RYK: variants seen among roughly 807,000 people sequenced by gnomAD.
RYK encodes the protein inactive tyrosine-protein kinase RYK.
A neutral mutation model predicts 70.2 loss-of-function variants in RYK; 21 were observed. The ratio of observed to expected loss-of-function variants is 0.30; its 90% CI spans 0.21 to 0.43. The LOEUF (loss-of-function observed/expected upper bound fraction) is 0.43. RYK is among the 20% of genes least tolerant of loss of function. The pLI is 1.00. For synonymous variants in RYK, 267 were observed against 278.0 expected (o/e 0.96, Z 0.39); for missense variants, 604 against 753.3 (o/e 0.80, Z 2.32).
chr3:134,242,842 C>T (rs1216991479), intron 1 of RYK, among the ~76,000 whole-genome samples: 2 of 152,204 alleles, frequency 1.3e-5, no homozygotes, highest in African/African-American at 4.8e-5. Flanking sequence ...AGTTCTCTCA[C>T]ATGTGTAGCA....
At chr3:134,204,591 C>CCACAGACACACACA (rs58130864) in intron 5 of RYK, among the ~76,000 whole-genome samples, 4 of 140,694 alleles carry the variant, frequency 2.8e-5, no homozygotes, top group African/African-American at 5.3e-5. Context: ...ACAGCCACAG[C>CCACAGACACACACA]CACACACACA....
At chr3:134,195,689 G>A (rs1035254012) in intron 6 of RYK, among the ~76,000 whole-genome samples, 1 of 152,236 alleles carries the variant, frequency 6.6e-6, no homozygotes. Flanking sequence ...GCTCACGCCT[G>A]TAATCCCAAC....
intron 13 of RYK, among the ~76,000 whole-genome samples, chr3:134,160,643 T>A (rs1455453501): frequency 6.6e-6 from 1 of 152,010 alleles, no homozygotes; most frequent in African/African-American, 2.4e-5. Flanking sequence ...TTATCTGAGG[T>A]CAGGAGTTCA....
At chr3:134,203,000 G>T in intron 5 of RYK, 126 bp from the exon 6 acceptor site, 1 of 704,908 alleles carries the variant, frequency 1.4e-6, no homozygotes, top group Non-Finnish European at 2.3e-6. Context: ...GTTACCAGTA[G>T]CATATTGGTG....
chr3:134,169,554 T>C (rs941937599), intron 13 of RYK, among the ~76,000 whole-genome samples: 1 of 152,198 alleles, frequency 6.6e-6, no homozygotes, highest in East Asian at 1.9e-4. Flanking sequence ...TGCATAGTTC[T>C]TAAGCTCAAC....
chr3:134,213,893 T>A (rs955102751), intron 2 of RYK, among the ~76,000 whole-genome samples: 24 of 152,110 alleles, frequency 1.6e-4, no homozygotes, highest in African/African-American at 5.8e-4. Context: ...AACCTCCACC[T>A]CCTGGGTTCA....
At chr3:134,205,288 T>C (rs1401675129) in intron 5 of RYK, among the ~76,000 whole-genome samples, 1 of 152,178 alleles carries the variant, frequency 6.6e-6, no homozygotes, top group African/African-American at 2.4e-5. Context: ...AGATAAAACT[T>C]ACAGCTTTCA....
At chr3:134,204,591 C>CACACA (rs2014143765) in intron 5 of RYK, among the ~76,000 whole-genome samples, 1 of 140,780 alleles carries the variant, frequency 7.1e-6, no homozygotes, top group African/African-American at 2.7e-5. Context: ...ACAGCCACAG[C>CACACA]CACACACACA....
intron 1 of RYK, among the ~76,000 whole-genome samples, chr3:134,238,217 A>G (rs918238254): frequency 2.0e-5 from 3 of 152,344 alleles, no homozygotes; most frequent in African/African-American, 7.2e-5. Flanking sequence ...TTGAATAAGC[A>G]TGTAAATCTT....
At chr3:134,224,925 A>C (rs2014857353) in intron 1 of RYK, among the ~76,000 whole-genome samples, 1 of 152,272 alleles carries the variant, frequency 6.6e-6, no homozygotes, top group Non-Finnish European at 1.5e-5. Context: ...ATATTCATAT[A>C]TAATCATATC....
chr3:134,188,814 A>C lies in RYK; in HGVS notation c.1102+23T>G, dbSNP rs749762940. ...CCTGAGACAGAAGAGCATCATGGAA[A>C]TACTATGGAAAAAAGATCCTACCTT... On this transcript the variant is annotated intron_variant, in intron 9 of 14. Coordinates refer to ENST00000623711, the MANE Select transcript of RYK (RefSeq NM_002958.4). 106 of 1,419,350 alleles carry C rather than the reference A, an allele frequency of 7.5e-5. 3 individuals carry two copies. In the South Asian group the frequency reaches 1.2e-3, roughly 17 times the overall value. 87.9% of individuals were successfully genotyped at this position (1,419,350 alleles called of 1,614,324 possible).
At position 134,218,800 on chromosome 3, in the gene RYK, C is replaced by G. The variant is rs575241323; in HGVS notation, c.354+3618G>C. Reference sequence around the variant, plus strand: ...GGAAAGGAGACCAGTTAGAAGACCACTTCCGAATCCAGCAAGAAACAATGA... The same window carrying G: ...GGAAAGGAGACCAGTTAGAAGACCAGTTCCGAATCCAGCAAGAAACAATGA... On this transcript the variant is annotated intron_variant, in intron 2 of 14. Transcript: ENST00000623711. Among the ~76,000 whole-genome samples, 4 of 152,310 alleles carry G rather than the reference C, an allele frequency of 2.6e-5. No homozygotes were observed. In the South Asian group the frequency reaches 8.3e-4, roughly 32 times the overall value.
At chr3:134,200,897 A>G (rs185144929) in intron 6 of RYK, among the ~76,000 whole-genome samples, 1 of 152,372 alleles carries the variant, frequency 6.6e-6, no homozygotes, top group African/African-American at 2.4e-5. Flanking sequence ...ACTAAAGAGA[A>G]CTGGAACACC....
chr3:134,199,997 G>A (rs1267108504), intron 6 of RYK, among the ~76,000 whole-genome samples: 1 of 16,038 alleles, frequency 6.2e-5, no homozygotes, highest in East Asian at 8.2e-4. Flanking sequence ...TGTAAAAACA[G>A]ACCAATCAGC....
intron 6 of RYK, 36 bp from the exon 7 acceptor site, chr3:134,195,218 C>A: frequency 1.3e-6 from 2 of 1,489,998 alleles, no homozygotes; most frequent in South Asian, 2.3e-5. Flanking sequence ...TTTGACAAGT[C>A]AGTTTCAATG....
chr3:134,182,172 T>A (rs562674229), intron 10 of RYK, among the ~76,000 whole-genome samples: 60 of 149,934 alleles, frequency 4.0e-4, no homozygotes, highest in Non-Finnish European at 8.0e-4. Flanking sequence ...AAAAAAAAGG[T>A]CTTCATATAG....
chr3:134,213,361 G>A (rs1313034871), intron 2 of RYK, among the ~76,000 whole-genome samples: 4 of 152,174 alleles, frequency 2.6e-5, no homozygotes, highest in Non-Finnish European at 5.9e-5. Flanking sequence ...GATCAAATAA[G>A]ATCATTAATG....
chr3:134,198,648 A>G (rs2013890299), intron 6 of RYK, among the ~76,000 whole-genome samples: 1 of 152,246 alleles, frequency 6.6e-6, no homozygotes. Flanking sequence ...GAGTCAATCA[A>G]TGAACAGAGA....
chr3:134,249,288 C>T (rs1010798434), intron 1 of RYK, among the ~76,000 whole-genome samples: 3 of 152,116 alleles, frequency 2.0e-5, no homozygotes, highest in Non-Finnish European at 4.4e-5. Flanking sequence ...CAAATCCGTA[C>T]ATGTAATGTC....
Sources: gnomAD v4.1 joint callset for allele counts (sites outside exome capture counted in the v4.1 genomes callset) on GRCh38, gnomAD v4.1.1 for gene constraint, MANE v1.5 for transcripts, NCBI Gene and HGNC (gene_info 2026-07-23, HGNC 2026-07-21) for gene names.